PHTF1: variants seen among roughly 807,000 people sequenced by gnomAD.
PHTF1 encodes the protein putative homeodomain transcription factor 1.
In PHTF1, 88 loss-of-function variants were observed where a neutral mutation model predicts 102.4. The ratio of observed to expected loss-of-function variants is 0.86; its 90% confidence interval spans 0.72 to 1.03. The LOEUF (loss-of-function observed/expected upper bound fraction) is 1.03, where lower values mean the gene tolerates loss of function less well. PHTF1 is among the 50% of genes least tolerant of loss of function. PHTF1 has a pLI of 0.00. For synonymous variants in PHTF1, 289 were observed against 305.2 expected (o/e 0.95, Z 0.55); for missense variants, 814 against 909.5 (o/e 0.89, Z 1.35).
intron 5 of PHTF1, among the ~76,000 whole-genome samples, chr1:113,729,884 A>C (rs1654385028): frequency 6.6e-6 from 1 of 152,148 alleles, no homozygotes; most frequent in South Asian, 2.1e-4. Context: ...TACATACCAA[A>C]GCTTCGGGGA....
At chr1:113,710,807 TA>T (rs1380209707) in intron 10 of PHTF1, among the ~76,000 whole-genome samples, 4 of 87,570 alleles carry the variant, frequency 4.6e-5, no homozygotes, top group African/African-American at 8.0e-5. Context: ...TATATATATA[TA>T]TATTTTTTTT....
rs1348399343 is a variant in PHTF1 at position 113,704,677 on chromosome 1, A to G, written c.1792T>C (p.Ser598Pro). The G allele has an allele frequency of 1.3e-6, 2 of 1,590,228 alleles. No individual in the cohort carries two copies. The highest frequency in any genetic ancestry group is 1.7e-6 in the Non-Finnish European group (2 of 1,164,940). The part of the protein sequence containing the change: ...ENIKIWLSLR[S>P]YLKRRGPQRS... The stretch of plus-strand genomic sequence containing the variant: ...CAAATAAAACTCACCTTTAGATAGG[A>G]ACGCAGTGATAACCATATTTTAATA... The change falls in exon 14 of 19, where the codon TCC (serine) becomes CCC (proline). Residue 598 changes from serine (S) to proline (P), a missense_variant. By Grantham distance (74) the Ser-to-Pro change is moderately conservative (BLOSUM62 -1). Transcript: ENST00000369604.
At chr1:113,734,768 T>C (rs1655219067) in intron 5 of PHTF1, among the ~76,000 whole-genome samples, 2 of 152,180 alleles carry the variant, frequency 1.3e-5, no homozygotes, top group Admixed American at 1.3e-4. Context: ...CAGTTGGTTA[T>C]AGTTTGGGGA....
chr1:113,757,555 T>C (rs1659071013), intron 3 of PHTF1, 144 bp downstream of exon 3: 6 of 628,104 alleles, frequency 9.6e-6, no homozygotes, highest in Middle Eastern at 4.3e-4. Flanking sequence ...CACTTCTCAT[T>C]ATGCTTGCAC....
At position 113,713,252 on chromosome 1, in the gene PHTF1, C is replaced by T. The variant is rs370488245; in HGVS notation, c.783+27G>A. On this transcript the variant is annotated intron_variant, in intron 8 of 18. Transcript: ENST00000369604. ...GAAAATGTTACATGGGGAAAAAAAC[C>T]CCTTGTTAAATCCATCTAAATCTTA... 6 of 1,602,120 alleles carry T rather than the reference C, an allele frequency of 3.7e-6. No homozygotes were observed. The African/African-American group carries it at 8.1e-5, about 22-fold the overall frequency.
chr1:113,715,521 G>C (rs553902385), intron 7 of PHTF1, among the ~76,000 whole-genome samples: 1 of 151,796 alleles, frequency 6.6e-6, no homozygotes, highest in Non-Finnish European at 1.5e-5. Context: ...AATGGCATGT[G>C]CCTGTAGTCC....
At chr1:113,724,394 C>G (rs945598544) in intron 7 of PHTF1, among the ~76,000 whole-genome samples, 6 of 152,072 alleles carry the variant, frequency 3.9e-5, no homozygotes, top group African/African-American at 1.4e-4. Flanking sequence ...CAAAAATTAG[C>G]TGGGTGTGGC....
In PHTF1 at chr1:113,724,782, A is replaced by G. The variant is rs1653566029; in HGVS notation, c.600T>C (p.Phe200=). ...TLESVPIIGG[F]WETIFGNRIK... ...ACCTGTTGCCAAAGATAGTCTCCCA[A>G]AAACCACCAATAATGGGTACAGATT... is the stretch of plus-strand genomic sequence containing the variant. Residue 200 remains phenylalanine, a synonymous_variant, in exon 7 of 19, where the codon TTT becomes TTC. Coordinates refer to ENST00000369604, the MANE Select transcript of PHTF1 (RefSeq NM_001323043.2). The G allele has an allele frequency of 1.9e-6, 3 of 1,602,702 alleles. No homozygotes were observed. The highest frequency in any genetic ancestry group is 2.5e-6 in the Non-Finnish European group (3 of 1,176,890).
intron 4 of PHTF1, among the ~76,000 whole-genome samples, 159 bp downstream of exon 4, chr1:113,738,571 C>T (rs954710611): frequency 6.6e-6 from 1 of 152,144 alleles, no homozygotes; most frequent in African/African-American, 2.4e-5. Flanking sequence ...TAGAGTCACA[C>T]AGTACTAAGA....
At chr1:113,751,762 G>A (rs1175290038) in intron 3 of PHTF1, among the ~76,000 whole-genome samples, 3 of 152,088 alleles carry the variant, frequency 2.0e-5, no homozygotes, top group Non-Finnish European at 4.4e-5. Context: ...GGAAATGTTG[G>A]GTCATGTGAG....
chr1:113,754,032 T>C (rs1284360540), intron 3 of PHTF1, among the ~76,000 whole-genome samples: 1 of 152,212 alleles, frequency 6.6e-6, no homozygotes, highest in Non-Finnish European at 1.5e-5. Flanking sequence ...CTCTTCTCAG[T>C]ATTTGCCACT....
chr1:113,759,500 G>T (rs966416332), upstream of PHTF1: 11 of 152,256 alleles, frequency 7.2e-5, no homozygotes, highest in African/African-American at 2.7e-4. Flanking sequence ...ATCTGGGCTA[G>T]AGCCGCTCAG....
intron 3 of PHTF1, among the ~76,000 whole-genome samples, chr1:113,745,487 T>C (rs1230109362): frequency 6.6e-6 from 1 of 152,136 alleles, no homozygotes; most frequent in Admixed American, 6.5e-5. Context: ...TTATGGACTA[T>C]ATCAGGGGTC....
chr1:113,724,164 T>C (rs1653458029), intron 7 of PHTF1, among the ~76,000 whole-genome samples: 2 of 152,214 alleles, frequency 1.3e-5, no homozygotes, highest in Admixed American at 6.5e-5. Flanking sequence ...CGTACACTGT[T>C]GGTGGAAATG....
intron 3 of PHTF1, among the ~76,000 whole-genome samples, chr1:113,752,770 C>T (rs1206732561): frequency 6.6e-6 from 1 of 152,102 alleles, no homozygotes; most frequent in African/African-American, 2.4e-5. Flanking sequence ...TATTCCTTTC[C>T]ATCTCAATGC....
chr1:113,700,240 G>T, intron 16 of PHTF1: 1 of 763,592 alleles, frequency 1.3e-6, no homozygotes, highest in Non-Finnish European at 1.6e-6. Context: ...TCTCCATTAC[G>T]ATTCTAAGAC....
intron 7 of PHTF1, chr1:113,713,745 A>C: frequency 7.3e-6 from 2 of 274,626 alleles, no homozygotes; most frequent in Non-Finnish European, 1.4e-5. Context: ...TGCAACTCCT[A>C]CCTTATATCG....
chr1:113,759,647 A>G (rs1262894620), upstream of PHTF1, among the ~76,000 whole-genome samples: 1 of 152,216 alleles, frequency 6.6e-6, no homozygotes, highest in Non-Finnish European at 1.5e-5. Context: ...CGCGCGGCAT[A>G]TCGATGGCCA....
In PHTF1 at chr1:113,704,862, C is replaced by T. The variant is rs748044764; in HGVS notation, c.1672-65G>A. On this transcript the variant is annotated intron_variant, in intron 13 of 18. Coordinates refer to ENST00000369604, the MANE Select transcript of PHTF1 (RefSeq NM_001323043.2). ...ATGTGTCTGTGTATTCATATAATTG[C>T]CAACGATATTCCCAGAATACAAAAA... 1.3e-4 allele frequency: 135 copies of T among 1,033,662 alleles called. 1 individual carries two copies. Among genetic ancestry groups the T allele is most frequent in the Non-Finnish European group, 1.5e-4 (109 of 707,014 alleles). The allele number at this position is 1,033,662 out of a possible 1,614,324, so 64.0% of individuals were successfully genotyped here. A position where few individuals can be genotyped will look rare whatever the true frequency, so the allele number is the denominator to read the frequency against.
Sources: gnomAD v4.1 joint callset for allele counts (sites outside exome capture counted in the v4.1 genomes callset) on GRCh38, gnomAD v4.1.1 for gene constraint, MANE v1.5 for transcripts, NCBI Gene and HGNC (gene_info 2026-07-23, HGNC 2026-07-21) for gene names.